The following CACNA1C variants were observed in gnomAD, a reference collection of about 807,000 sequenced individuals.
The protein encoded by CACNA1C is calcium voltage-gated channel subunit alpha1 C.
A neutral mutation model predicts 229.0 loss-of-function variants in CACNA1C; 30 were observed. The observed-to-expected ratio is 0.13, with a 90% confidence interval of 0.10 to 0.18. CACNA1C has a LOEUF of 0.18. Among genes scored for constraint, CACNA1C ranks in the 10% least tolerant of loss-of-function variants. CACNA1C has a pLI of 1.00. For synonymous variants in CACNA1C, 1,114 were observed against 1,132.5 expected, an observed-to-expected ratio of 0.98 and a Z score of 0.33; for missense variants, 1,658 against 2,845.0, an observed-to-expected ratio of 0.58 and a Z score of 9.49.
At chr12:2,548,737 G>A (rs2099888297) in intron 9 of CACNA1C, among the ~76,000 whole-genome samples, 1 of 152,176 alleles carries the variant, frequency 6.6e-6, no homozygotes, top group African/African-American at 2.4e-5. Context: ...CTGAAGGAAA[G>A]GAAACCAGGA....
Position 2,263,384 on chromosome 12 carries a change from G to A in CACNA1C, c.477+142954G>A, listed in dbSNP as rs557051914. Reference sequence around the variant, plus strand: ...AACACAGCAAGTGCTCAGAGGTGAGGTCAGTGAGGAACAGAGGGCACTTAG... The same window carrying A: ...AACACAGCAAGTGCTCAGAGGTGAGATCAGTGAGGAACAGAGGGCACTTAG... On this transcript the variant is annotated intron_variant, in intron 3 of 46. Coordinates refer to ENST00000399655, the MANE Select transcript of CACNA1C (RefSeq NM_000719.7). 3.9e-5 allele frequency among the ~76,000 whole-genome samples: 6 copies of A among 152,322 alleles called. No individual in the cohort carries two copies. In the South Asian group the frequency reaches 1.0e-3, roughly 26 times the overall value.
intron 3 of CACNA1C, among the ~76,000 whole-genome samples, chr12:2,233,031 G>A (rs1329222245): frequency 6.6e-6 from 1 of 152,150 alleles, no homozygotes; most frequent in African/African-American, 2.4e-5. Context: ...ACTCCAAGGA[G>A]TACTGATTCG....
chr12:2,137,870 C>A (rs747727523), intron 3 of CACNA1C, among the ~76,000 whole-genome samples: 1 of 151,234 alleles, frequency 6.6e-6, no homozygotes, highest in Non-Finnish European at 1.5e-5. Flanking sequence ...GCAGGGCTGC[C>A]GGGGTCCGGG....
At chr12:2,210,391 A>T (rs2097883780) in intron 3 of CACNA1C, among the ~76,000 whole-genome samples, 2 of 152,216 alleles carry the variant, frequency 1.3e-5, no homozygotes, top group Admixed American at 1.3e-4. Flanking sequence ...GGATGTGATG[A>T]TAGTGCTTAT....
intron 3 of CACNA1C, among the ~76,000 whole-genome samples, chr12:2,220,333 A>T (rs370313412): frequency 6.6e-6 from 1 of 152,180 alleles, no homozygotes; most frequent in Non-Finnish European, 1.5e-5. Context: ...ATGCTAACGC[A>T]TGTGATACAC....
At chr12:2,554,137 A>T (rs189409776) in intron 10 of CACNA1C, among the ~76,000 whole-genome samples, 1 of 152,336 alleles carries the variant, frequency 6.6e-6, no homozygotes, top group East Asian at 1.9e-4. Context: ...GGCTCTCAAG[A>T]AGTTCAAATA....
At chr12:2,386,747 G>A (rs896878234) in intron 3 of CACNA1C, among the ~76,000 whole-genome samples, 6 of 152,174 alleles carry the variant, frequency 3.9e-5, no homozygotes, top group African/African-American at 1.4e-4. Flanking sequence ...CTAAGCACCC[G>A]AGGGCAAGGG....
At chr12:1,998,057 G>T in intron 1 of CACNA1C, 2 of 1,287,762 alleles carry the variant, frequency 1.6e-6, no homozygotes, top group South Asian at 1.4e-5. Flanking sequence ...CATAGAATAG[G>T]AATTATATAT....
chr12:2,457,740 C>G (rs1464436799), intron 5 of CACNA1C, 34 bp downstream of exon 5: 1 of 1,496,800 alleles, frequency 6.7e-7, no homozygotes, highest in African/African-American at 1.4e-5. Flanking sequence ...ACAGTGTTAT[C>G]TCCTCACCAC....
chr12:2,635,574 T>G (rs1413504935), intron 30 of CACNA1C, among the ~76,000 whole-genome samples: 1 of 148,782 alleles, frequency 6.7e-6, no homozygotes, highest in Admixed American at 6.7e-5. Context: ...CATCTTTTGC[T>G]CTCAGTCAGT....
chr12:2,316,328 C>A (rs2238060), intron 3 of CACNA1C, among the ~76,000 whole-genome samples: 110,503 of 151,972 alleles, frequency 0.73, 40,641 homozygotes, highest in African/African-American at 0.84. Flanking sequence ...AATCATACCT[C>A]CCTTATTGGG....
chr12:2,447,048 G>A (rs1361159280), intron 3 of CACNA1C, among the ~76,000 whole-genome samples: 40 of 152,174 alleles, frequency 2.6e-4, no homozygotes, highest in Admixed American at 2.6e-3. Context: ...GTCATCTAGT[G>A]GCAGACATGA....
chr12:1,980,843 T>C (rs1369823209), intron 1 of CACNA1C, among the ~76,000 whole-genome samples: 1 of 151,962 alleles, frequency 6.6e-6, no homozygotes, highest in East Asian at 1.9e-4. Flanking sequence ...TGGCCTGTTT[T>C]CATGTATCAT....
At chr12:2,202,499 C>T (rs1003467147) in intron 3 of CACNA1C, among the ~76,000 whole-genome samples, 1 of 152,214 alleles carries the variant, frequency 6.6e-6, no homozygotes, top group Non-Finnish European at 1.5e-5. Flanking sequence ...TTTAAGTCTT[C>T]TCTTGAATCA....
rs75138497 is a variant in CACNA1C, at chr12:2,297,863, A to T, written c.478-151113A>T. Among the ~76,000 whole-genome samples the T allele has an allele frequency of 5.4e-4, 82 of 152,332 alleles. No individual in the cohort carries two copies. In the East Asian group the frequency reaches 0.015, roughly 28 times the overall value. On this transcript the variant is annotated intron_variant, in intron 3 of 46. Transcript: ENST00000399655. ...CTCCAACCTTTACCAAAGAAACAAA[A>T]AAAAACCTAAAACCACACACACACA... is the stretch of plus-strand genomic sequence containing the variant.
chr12:2,282,241 G>A (rs182406856), intron 3 of CACNA1C, among the ~76,000 whole-genome samples: 32 of 152,234 alleles, frequency 2.1e-4, no homozygotes, highest in Admixed American at 1.8e-3. Context: ...GGGGGACTTC[G>A]CAGGACTTGA....
At chr12:2,610,774 G>T in intron 28 of CACNA1C, 75 bp downstream of exon 28, 1 of 1,477,264 alleles carries the variant, frequency 6.8e-7, no homozygotes, top group Non-Finnish European at 9.4e-7. Flanking sequence ...GTAACGGAGC[G>T]GCAGGCAGCT....
intron 29 of CACNA1C, among the ~76,000 whole-genome samples, chr12:2,628,672 G>A (rs561463099): frequency 3.3e-5 from 5 of 152,160 alleles, no homozygotes; most frequent in East Asian, 3.9e-4. Flanking sequence ...TTTGCAGGGC[G>A]GAGACAGGAG....
Position 2,034,827 on chromosome 12 carries a change from GA to G in CACNA1C, c.139+63627del, listed in dbSNP as rs1278554306. The stretch of plus-strand genomic sequence containing the variant: ...CAAGGAATCTATAGATGGGAATGGG[GA>G]GAGACAGGCAGACAGGTGATTTTCA... On this transcript the variant is annotated intron_variant, in intron 1 of 46. Coordinates refer to the CACNA1C transcript ENST00000682462. This position sits in a 1 kb window ranked among gnomAD's most constrained non-coding sequence, Gnocchi z 4.1. Among the ~76,000 whole-genome samples the G allele has an allele frequency of 2.0e-5, 3 of 152,224 alleles. No homozygotes were observed. The highest frequency in any genetic ancestry group is 2.9e-5 in the Non-Finnish European group (2 of 68,044).
Sources: gnomAD v4.1 joint callset for allele counts (sites outside exome capture counted in the v4.1 genomes callset) on GRCh38, gnomAD v4.1.1 for gene constraint, Gnocchi (gnomAD v3.1) non-coding constraint, MANE v1.5 for transcripts, NCBI Gene and HGNC (gene_info 2026-07-23, HGNC 2026-07-21) for gene names.